Variants in SNX29 observed in about 807,000 individuals in gnomAD.
SNX29 encodes the protein sorting nexin 29.
Under a neutral mutation model 102.1 loss-of-function variants are expected in SNX29, and 78 were observed. That is an observed-to-expected ratio of 0.76 (90% CI 0.64 to 0.92). The LOEUF (loss-of-function observed/expected upper bound fraction) is 0.92. Among genes scored for constraint, SNX29 ranks in the 40% least tolerant of loss-of-function variants. SNX29 has a pLI of 0.00. For synonymous variants in SNX29, 580 were observed against 414.5 expected, an observed-to-expected ratio of 1.40 and a Z score of -4.85; for missense variants, 1,280 against 1,061.7, an observed-to-expected ratio of 1.21 and a Z score of -2.86.
intron 15 of SNX29, among the ~76,000 whole-genome samples, chr16:12,346,953 C>T (rs577159913): frequency 3.9e-5 from 6 of 152,220 alleles, no homozygotes; most frequent in South Asian, 2.1e-4. Flanking sequence ...CTGGCAGCCC[C>T]GTGGCCAAGC....
chr16:12,065,766 T>C (rs2051005609), intron 9 of SNX29, among the ~76,000 whole-genome samples: 1 of 152,184 alleles, frequency 6.6e-6, no homozygotes, highest in South Asian at 2.1e-4. Context: ...CCTGGTTTTC[T>C]TTATTCAGTC....
At chr16:12,562,670 G>A (rs1044705964) in intron 20 of SNX29, among the ~76,000 whole-genome samples, 1 of 152,184 alleles carries the variant, frequency 6.6e-6, no homozygotes, top group Non-Finnish European at 1.5e-5. Context: ...GGAAAGTCTA[G>A]ATTTACAGGC....
chr16:12,077,840 C>T lies in SNX29; in HGVS notation c.1320-993C>T, dbSNP rs527578518. Among the ~76,000 whole-genome samples, 8 of 152,134 alleles carry T rather than the reference C, an allele frequency of 5.3e-5. No individual in the cohort carries two copies. In the South Asian group the frequency reaches 1.5e-3, roughly 28 times the overall value. On this transcript the variant is annotated intron_variant, in intron 10 of 20. Transcript: ENST00000566228. ...TTTGCCATGTTCGCCAGGCTGGTCT[C>T]GAACTCCTGACCTCATGTGATCCAC...
At chr16:12,142,286 G>A (rs1195717721) in intron 13 of SNX29, among the ~76,000 whole-genome samples, 3 of 152,130 alleles carry the variant, frequency 2.0e-5, no homozygotes, top group East Asian at 1.9e-4. Flanking sequence ...CCCCAAGGTC[G>A]CTGGCTTTTT....
intron 15 of SNX29, among the ~76,000 whole-genome samples, chr16:12,307,305 C>T (rs968005267): frequency 5.9e-5 from 9 of 151,974 alleles, no homozygotes; most frequent in South Asian, 2.1e-4. Context: ...GGTGCCTGGC[C>T]GAGGGAGGTT....
intron 14 of SNX29, among the ~76,000 whole-genome samples, chr16:12,230,355 A>G (rs1741776587): frequency 6.6e-6 from 1 of 152,204 alleles, no homozygotes; most frequent in African/African-American, 2.4e-5. Context: ...CAAATAGACA[A>G]TCACGTTCTC....
At chr16:12,321,572 T>A (rs952380860) in intron 15 of SNX29, among the ~76,000 whole-genome samples, 1 of 152,100 alleles carries the variant, frequency 6.6e-6, no homozygotes, top group Non-Finnish European at 1.5e-5. Context: ...TTTTTGGAGC[T>A]GTGCAGGTGG....
chr16:12,136,940 A>G (rs1187938071), intron 13 of SNX29, among the ~76,000 whole-genome samples: 1 of 152,170 alleles, frequency 6.6e-6, no homozygotes, highest in East Asian at 1.9e-4. Flanking sequence ...GGGTTTCACC[A>G]TGTTGGCCAG....
At chr16:12,192,091 G>C (rs2076656716) in intron 13 of SNX29, among the ~76,000 whole-genome samples, 1 of 152,206 alleles carries the variant, frequency 6.6e-6, no homozygotes, top group Non-Finnish European at 1.5e-5. Context: ...TTTCCTTTGA[G>C]TAGTGCTGTC....
rs72782795 is a variant in SNX29, at chr16:11,982,059, A to G, written c.7+5246A>G. 7.4e-3 allele frequency among the ~76,000 whole-genome samples: 1,118 copies of G among 151,888 alleles called. 16 individuals are homozygous for G. The highest frequency in any genetic ancestry group is 6.5e-3 in the Non-Finnish European group (439 of 67,944). ...ATCTCAATTAAAAAAAAAAAAAAGC[A>G]GGGTGTAGAATTATACCTAAAATAT... On this transcript the variant is annotated intron_variant, in intron 1 of 20. Coordinates refer to ENST00000566228, the MANE Select transcript of SNX29 (RefSeq NM_032167.5).
chr16:12,349,896 A>C (rs1002277510), intron 15 of SNX29, among the ~76,000 whole-genome samples: 7 of 152,212 alleles, frequency 4.6e-5, no homozygotes, highest in Non-Finnish European at 8.8e-5. Context: ...TTTTTTAAAA[A>C]ACTTTCAATT....
chr16:12,213,374 G>A (rs1349181987), intron 14 of SNX29, among the ~76,000 whole-genome samples: 1 of 152,156 alleles, frequency 6.6e-6, no homozygotes, highest in Non-Finnish European at 1.5e-5. Context: ...TGGGTCTAGA[G>A]TACATGTTGT....
At chr16:12,355,663 T>C (rs1248661698) in intron 15 of SNX29, among the ~76,000 whole-genome samples, 2 of 151,860 alleles carry the variant, frequency 1.3e-5, no homozygotes, top group East Asian at 3.9e-4. Context: ...ACCTCCAGTT[T>C]TATTTATTGG....
At chr16:12,365,040 G>A (rs1170647032) in intron 16 of SNX29, among the ~76,000 whole-genome samples, 3 of 152,118 alleles carry the variant, frequency 2.0e-5, no homozygotes, top group African/African-American at 7.2e-5. Flanking sequence ...AGCAAATTGA[G>A]GTACAGAGAG....
At chr16:12,240,705 TCCTC>T (rs2078079265) in intron 14 of SNX29, among the ~76,000 whole-genome samples, 1 of 146,976 alleles carries the variant, frequency 6.8e-6, no homozygotes. Flanking sequence ...GTTCAGGTGA[TCCTC>T]CCTCTTCAGC....
intron 13 of SNX29, among the ~76,000 whole-genome samples, chr16:12,196,759 T>TACAG (rs2076786639): frequency 6.6e-6 from 1 of 152,068 alleles, no homozygotes; most frequent in Non-Finnish European, 1.5e-5. Flanking sequence ...TAGCTGGGAT[T>TACAG]ACAGGCACAT....
intron 16 of SNX29, among the ~76,000 whole-genome samples, chr16:12,382,984 A>T (rs2083226793): frequency 6.6e-6 from 1 of 152,118 alleles, no homozygotes; most frequent in Non-Finnish European, 1.5e-5. Flanking sequence ...TTTACAAGTC[A>T]CATTTATAGG....
At chr16:12,045,970 C>G (rs1261523219) in intron 5 of SNX29, among the ~76,000 whole-genome samples, 1 of 152,016 alleles carries the variant, frequency 6.6e-6, no homozygotes, top group Non-Finnish European at 1.5e-5. Context: ...GCCGTAGAGG[C>G]TCTGTAATTT....
At chr16:11,978,596 A>T (rs899259425) in intron 1 of SNX29, among the ~76,000 whole-genome samples, 1 of 152,136 alleles carries the variant, frequency 6.6e-6, no homozygotes, top group African/African-American at 2.4e-5. Flanking sequence ...GTTTTTGCCT[A>T]GTTATGAGAG....
Sources: gnomAD v4.1 joint callset for allele counts (sites outside exome capture counted in the v4.1 genomes callset) on GRCh38, gnomAD v4.1.1 for gene constraint, MANE v1.5 for transcripts, NCBI Gene and HGNC (gene_info 2026-07-23, HGNC 2026-07-21) for gene names.